Variants in ESPL1 observed in about 807,000 individuals in gnomAD.
ESPL1 encodes extra spindle pole bodies like 1, separase, also known as separin.
A neutral mutation model predicts 217.2 loss-of-function variants in ESPL1; 50 were observed. That is an observed-to-expected ratio of 0.23 (90% CI 0.18 to 0.29). ESPL1 has a LOEUF of 0.29. Among genes scored for constraint, ESPL1 ranks in the 10% least tolerant of loss-of-function variants. The probability of loss-of-function intolerance (pLI) is 1.00; values close to 1 mark genes in which losing one functional copy is unlikely to be tolerated. For synonymous variants in ESPL1, 994 were observed against 1,081.3 expected (o/e 0.92, Z 1.58); for missense variants, 1,834 against 2,603.0 (o/e 0.70, Z 6.43).
intron 7 of ESPL1, among the ~76,000 whole-genome samples, chr12:53,276,173 A>C (rs1943762445): frequency 6.6e-6 from 1 of 152,034 alleles, no homozygotes; most frequent in East Asian, 1.9e-4. Context: ...ACGCTATTGC[A>C]CTCCAGCCTG....
At chr12:53,277,013 CT>C in intron 8 of ESPL1, 69 bp from the exon 9 acceptor site, 1 of 1,577,180 alleles carries the variant, frequency 6.3e-7, no homozygotes, top group Non-Finnish European at 8.6e-7. Flanking sequence ...TGTTCTGCAG[CT>C]AGCCCTTCCC....
chr12:53,279,932 A>T (rs911567516), intron 12 of ESPL1, 66 bp downstream of exon 12: 17 of 1,473,748 alleles, frequency 1.2e-5, no homozygotes, highest in Non-Finnish European at 1.3e-5. Context: ...CCCACCTCTG[A>T]GAAGACAGGA....
At chr12:53,284,789 G>A (rs543255042) in intron 17 of ESPL1, among the ~76,000 whole-genome samples, 45 of 151,126 alleles carry the variant, frequency 3.0e-4, no homozygotes, top group Non-Finnish European at 1.8e-4. Flanking sequence ...TGAGGCAGGC[G>A]GATCATGGGG....
intron 12 of ESPL1, among the ~76,000 whole-genome samples, chr12:53,280,733 C>T (rs1326683267): frequency 2.0e-5 from 3 of 152,058 alleles, no homozygotes; most frequent in South Asian, 2.1e-4. Context: ...GTGGCTCACA[C>T]GTGTAATCCC....
intron 9 of ESPL1, 63 bp from the exon 10 acceptor site, chr12:53,277,407 A>C: frequency 6.4e-7 from 1 of 1,568,082 alleles, no homozygotes; most frequent in Non-Finnish European, 8.7e-7. Context: ...CAGCCTGCCG[A>C]GTAGCCAGGA....
At chr12:53,289,921 C>G (rs999598043) in intron 22 of ESPL1, 164 bp from the exon 23 acceptor site, 1 of 694,874 alleles carries the variant, frequency 1.4e-6, no homozygotes, top group African/African-American at 1.8e-5. Flanking sequence ...GTCATGGTCT[C>G]TGTGCACAGG....
intron 22 of ESPL1, 48 bp downstream of exon 22, chr12:53,289,642 T>C (rs1944017901): frequency 6.6e-7 from 1 of 1,521,648 alleles, no homozygotes; most frequent in Non-Finnish European, 9.0e-7. Context: ...TTCTGCATCT[T>C]CTTACTTGGG....
At chr12:53,277,252 A>G in intron 9 of ESPL1, 25 bp downstream of exon 9, 1 of 1,598,162 alleles carries the variant, frequency 6.3e-7, no homozygotes, top group East Asian at 2.3e-5. Flanking sequence ...TGTGGGGCTC[A>G]CCAGAACTGG....
chr12:53,289,503 G>A lies in ESPL1; in HGVS notation c.5022G>A (p.Gln1674=), dbSNP rs1944015470. Residue 1674 remains glutamine (Q), a synonymous_variant, in exon 22 of 31, where the codon CAG becomes CAA. Transcript: ENST00000257934. The part of the protein sequence containing the change: ...MPGDVPLARI[Q]RLFSFRALES... The stretch of plus-strand genomic sequence containing the variant: ...GAGATGTCCCCCTGGCCCGCATCCA[G>A]CGCCTCTTTTCCTTCAGGGCTTTGG... 3.1e-6 allele frequency: 5 copies of A among 1,614,214 alleles called. No homozygotes were observed. In the East Asian group the frequency reaches 1.1e-4, roughly 36 times the overall value.
Position 53,268,804 on chromosome 12 carries a change from T to A in ESPL1, c.38T>A (p.Leu13Gln). Residue 13 changes from leucine to glutamine, a missense_variant, in exon 2 of 31, where the codon CTA becomes CAA. Around this residue, in one of 5 missense-constraint regions of ESPL1, gnomAD observed 746 missense variants for 1,077.0 expected, o/e 0.69. Transcript: ENST00000257934. ...AAAAGAGTCAACTTTGGGACTCTGC[T>A]AAGCAGCCAGAAGGAGGCTGAAGAG... ...SFKRVNFGTL[L>Q]SSQKEAEELL... 6.2e-7 allele frequency: 1 copy of A among 1,612,964 alleles called. No individual in the cohort carries two copies. The highest frequency in any genetic ancestry group is 8.5e-7 in the Non-Finnish European group (1 of 1,179,694).
At chr12:53,276,133 G>A (rs942424970) in intron 7 of ESPL1, among the ~76,000 whole-genome samples, 3 of 152,242 alleles carry the variant, frequency 2.0e-5, no homozygotes, top group African/African-American at 7.2e-5. Flanking sequence ...ACATGAGCCT[G>A]GAAGATCAAG....
At position 53,288,675 on chromosome 12, in the gene ESPL1, C is replaced by T. The variant is rs752260310; in HGVS notation, c.4684C>T (p.Leu1562Phe). Residue 1562 changes from leucine (L) to phenylalanine (F), a missense_variant, in exon 20 of 31, where the codon CTC becomes TTC. By Grantham distance (22) the Leu-to-Phe change is conservative. Coordinates refer to ENST00000257934, the MANE Select transcript of ESPL1 (RefSeq NM_012291.5). Reference protein sequence around the residue: ...SDKDLGPRLRLPSAPVATGLS... With the variant: ...SDKDLGPRLRFPSAPVATGLS... ...CAAGGACCTTGGTCCTCGGCTCCGG[C>T]TCCCCTCAGCCCCCGTAGCCACTGG... The T allele has an allele frequency of 4.5e-5, 73 of 1,613,026 alleles. No homozygotes were observed. Among genetic ancestry groups the T allele is most frequent in the Non-Finnish European group, 6.2e-5 (73 of 1,179,810 alleles).
rs1412915742 is a variant in ESPL1, at chr12:53,291,857, C to T, written c.5688C>T (p.Asp1896=). The change falls in exon 26 of 31, where the codon GAC becomes GAT. Residue 1896 remains aspartate (D), a synonymous_variant. Transcript: ENST00000257934. The part of the protein sequence containing the change: ...PSNSHLVLVL[D]KDLQKLPWES... ...ATAGCCACCTTGTCTTGGTCCTAGACAAGGTAAGGAGCTGGGGCAGAGGGG... is the reference window on the plus strand; with the variant it reads ...ATAGCCACCTTGTCTTGGTCCTAGATAAGGTAAGGAGCTGGGGCAGAGGGG... 4.4e-6 allele frequency: 7 copies of T among 1,586,344 alleles called. No individual in the cohort carries two copies. Among genetic ancestry groups the T allele is most frequent in the South Asian group, 1.2e-5 (1 of 86,560 alleles).
In ESPL1 at chr12:53,282,533, T is replaced by TTA; in HGVS notation, c.2791+98_2791+99insTA. ...TCATCCCCTCTGCTGGCTAACTATGTGGCCCAGCCTACCTAGAACCTGCAC... is the reference window on the plus strand; with the variant it reads ...TCATCCCCTCTGCTGGCTAACTATGTTAGGCCCAGCCTACCTAGAACCTGCAC... On this transcript the variant is annotated intron_variant, in intron 14 of 30. Coordinates refer to ENST00000257934, the MANE Select transcript of ESPL1 (RefSeq NM_012291.5). The surrounding 1 kb of genome is among the most constrained non-coding windows in gnomAD (Gnocchi z 4.0). The TTA allele has an allele frequency of 1.8e-6, 2 of 1,141,700 alleles. No homozygotes were observed. Among genetic ancestry groups the TTA allele is most frequent in the Non-Finnish European group, 1.3e-6 (1 of 787,954 alleles). The allele number at this position is 1,141,700 out of a possible 1,614,324, so 70.7% of individuals were successfully genotyped here. A position where few individuals can be genotyped will look rare whatever the true frequency, so the allele number is the denominator to read the frequency against.
At position 53,286,651 on chromosome 12, in the gene ESPL1, A is replaced by G. The variant is rs753732057; in HGVS notation, c.3915A>G (p.Ser1305=). The change falls in exon 18 of 31, where the codon TCA becomes TCG. Residue 1305 remains serine (S), a synonymous_variant. Coordinates refer to ENST00000257934, the MANE Select transcript of ESPL1 (RefSeq NM_012291.5). This position sits in a 1 kb window ranked among gnomAD's most constrained non-coding sequence, Gnocchi z 5.3. ...QPPLIKSVPG[S]EPSKTQGQKR... ...CATTAATAAAAAGTGTCCCTGGCTC[A>G]GAGCCCTCTAAGACTCAGGGCCAAA... 4.3e-6 allele frequency: 7 copies of G among 1,614,186 alleles called. No homozygotes were observed. Among genetic ancestry groups the G allele is most frequent in the Non-Finnish European group, 5.9e-6 (7 of 1,180,040 alleles).
intron 15 of ESPL1, 55 bp from the exon 16 acceptor site, chr12:53,283,327 T>G: frequency 6.2e-7 from 1 of 1,611,670 alleles, no homozygotes; most frequent in Non-Finnish European, 8.5e-7. Flanking sequence ...CGGTTTTTTC[T>G]CCAGAGGATC....
Position 53,290,919 on chromosome 12 carries a change from C to G in ESPL1, c.5443C>G (p.Pro1815Ala). 6.2e-7 allele frequency: 1 copy of G among 1,606,996 alleles called. No individual in the cohort carries two copies. Among genetic ancestry groups the G allele is most frequent in the South Asian group, 1.1e-5 (1 of 89,734 alleles). Residue 1815 changes from proline (P) to alanine (A), a missense_variant, in exon 25 of 31, where the codon CCT (proline) becomes GCT (alanine). Around this residue, in one of 5 missense-constraint regions of ESPL1, gnomAD observed 295 missense variants for 519.8 expected, o/e 0.57. Coordinates refer to ENST00000257934, the MANE Select transcript of ESPL1 (RefSeq NM_012291.5). ...LLLPSSEEPG[P>A]AQEASRLQEL... ...GCTGCCGTCCAGTGAGGAGCCCGGC[C>G]CTGCCCAGGAGGCCTCCCGCCTACA...
chr12:53,281,481 C>T, intron 12 of ESPL1, 26 bp from the exon 13 acceptor site: 1 of 1,610,088 alleles, frequency 6.2e-7, no homozygotes, highest in Non-Finnish European at 8.5e-7. Context: ...TGCCTTTCCT[C>T]ATGTGCCCTC....
chr12:53,276,741 T>G lies in ESPL1; in HGVS notation c.1822T>G (p.Cys608Gly), dbSNP rs749176917. ...TGGACAGGAACGCTTCAACATCATC[T>G]GTGACCTCCTGGAGCTGAGCCCCGA... ...DTGQERFNII[C>G]DLLELSPEET... The change falls in exon 8 of 31, where the codon TGT becomes GGT. Residue 608 changes from cysteine (C) to glycine (G), a missense_variant. Coordinates refer to ENST00000257934, the MANE Select transcript of ESPL1 (RefSeq NM_012291.5). 11 of 1,613,704 alleles carry G rather than the reference T, an allele frequency of 6.8e-6. No homozygotes were observed. The highest frequency in any genetic ancestry group is 8.5e-6 in the Non-Finnish European group (10 of 1,180,028).
Sources: allele counts gnomAD v4.1 joint callset (sites outside exome capture counted in the v4.1 genomes callset), GRCh38; gene constraint gnomAD v4.1.1; regional missense constraint gnomAD v4.1.1; non-coding constraint Gnocchi (gnomAD v3.1); transcripts MANE v1.5; gene names NCBI Gene and HGNC (gene_info 2026-07-23, HGNC 2026-07-21).